TLL1: variants seen among roughly 807,000 people sequenced by gnomAD.
The protein encoded by TLL1 is tolloid-like protein 1.
In TLL1, 49 loss-of-function variants were observed where a neutral mutation model predicts 128.2. The observed-to-expected ratio is 0.38, with a 90% CI of 0.30 to 0.48. The LOEUF is 0.48. TLL1 is among the 20% of genes least tolerant of loss of function. TLL1 has a pLI of 0.96. For missense variants in TLL1, 1,123 were observed against 1,242.0 expected (o/e 0.90, Z 1.44); for synonymous variants, 454 against 418.8 (o/e 1.08, Z -1.03).
chr4:165,950,773 A>T (rs1477871510), intron 1 of TLL1, among the ~76,000 whole-genome samples: 1 of 152,078 alleles, frequency 6.6e-6, no homozygotes, highest in Non-Finnish European at 1.5e-5. Flanking sequence ...AACAGTTCTT[A>T]GGGGAGAATT....
intron 1 of TLL1, among the ~76,000 whole-genome samples, chr4:165,936,589 T>C (rs912465272): frequency 1.9e-4 from 29 of 152,196 alleles, no homozygotes; most frequent in Admixed American, 1.7e-3. Context: ...ACAGTATACA[T>C]ATGTAACTGT....
At chr4:165,930,335 A>C (rs1307172067) in intron 1 of TLL1, among the ~76,000 whole-genome samples, 1 of 152,208 alleles carries the variant, frequency 6.6e-6, no homozygotes, top group Non-Finnish European at 1.5e-5. Context: ...TGGATGATCA[A>C]TCTTAAGTAT....
At chr4:165,961,684 A>G (rs978375203) in intron 1 of TLL1, among the ~76,000 whole-genome samples, 2 of 152,176 alleles carry the variant, frequency 1.3e-5, no homozygotes, top group Non-Finnish European at 2.9e-5. Flanking sequence ...CAACCATCTG[A>G]TCTTCAACAA....
At chr4:166,030,721 A>G (rs928411856) in intron 9 of TLL1, 13 of 1,180,264 alleles carry the variant, frequency 1.1e-5, no homozygotes, top group Middle Eastern at 3.4e-4. Context: ...CTTCAACACC[A>G]TTTGTTAAAG....
chr4:165,889,497 A>C (rs1731300086), intron 1 of TLL1, among the ~76,000 whole-genome samples: 1 of 152,242 alleles, frequency 6.6e-6, no homozygotes, highest in Non-Finnish European at 1.5e-5. Flanking sequence ...TTGGGAGAAG[A>C]ACATCCAAAT....
intron 1 of TLL1, among the ~76,000 whole-genome samples, chr4:165,946,721 A>T (rs1734267989): frequency 6.6e-6 from 1 of 152,152 alleles, no homozygotes; most frequent in South Asian, 2.1e-4. Context: ...AGCAACAAAT[A>T]CATAAAAATG....
chr4:166,071,170 T>A (rs1270403618), intron 16 of TLL1, among the ~76,000 whole-genome samples: 1 of 151,918 alleles, frequency 6.6e-6, no homozygotes, highest in Non-Finnish European at 1.5e-5. Flanking sequence ...ACCATTGACT[T>A]CTTTTTCCTA....
At chr4:166,032,781 G>T (rs1738830019) in intron 9 of TLL1, among the ~76,000 whole-genome samples, 1 of 152,030 alleles carries the variant, frequency 6.6e-6, no homozygotes, top group Non-Finnish European at 1.5e-5. Flanking sequence ...ACGTAAAGTT[G>T]TTTTTATAAA....
chr4:166,082,718 C>T (rs1741342191), intron 18 of TLL1, among the ~76,000 whole-genome samples: 1 of 152,062 alleles, frequency 6.6e-6, no homozygotes, highest in East Asian at 1.9e-4. Flanking sequence ...CGCTCTGTCA[C>T]CCAGGCTGGA....
chr4:166,045,678 G>T (rs1424726886), intron 12 of TLL1, among the ~76,000 whole-genome samples: 3 of 152,014 alleles, frequency 2.0e-5, no homozygotes, highest in Non-Finnish European at 1.5e-5. Flanking sequence ...ATTATCATGG[G>T]CCACGGTACT....
intron 1 of TLL1, among the ~76,000 whole-genome samples, chr4:165,888,181 A>G (rs1009125821): frequency 6.6e-6 from 1 of 152,124 alleles, no homozygotes; most frequent in Non-Finnish European, 1.5e-5. Flanking sequence ...AGAAGTGCTG[A>G]CTGAGGGCTA....
At chr4:166,060,417 A>G (rs1361296305) in intron 15 of TLL1, among the ~76,000 whole-genome samples, 1 of 152,072 alleles carries the variant, frequency 6.6e-6, no homozygotes, top group Non-Finnish European at 1.5e-5. Flanking sequence ...TATTTAGTGT[A>G]TTTAATATTT....
intron 14 of TLL1, among the ~76,000 whole-genome samples, chr4:166,059,224 CAT>C (rs1389981223): frequency 0.012 from 1,868 of 150,772 alleles, 43 homozygotes; most frequent in African/African-American, 0.042. Context: ...CACACACACA[CAT>C]ACACGTGCAC....
At chr4:165,919,382 CAA>C (rs1163238067) in intron 1 of TLL1, among the ~76,000 whole-genome samples, 2,666 of 75,154 alleles carry the variant, frequency 0.035, 65 homozygotes, top group African/African-American at 0.1. Flanking sequence ...GACCCTGCTT[CAA>C]AAAAAAAAAA....
At chr4:166,034,425 G>A (rs967394114) in intron 9 of TLL1, among the ~76,000 whole-genome samples, 3 of 152,136 alleles carry the variant, frequency 2.0e-5, no homozygotes, top group African/African-American at 7.2e-5. Context: ...TGAGTGGGAT[G>A]AAGTTTATGT....
chr4:165,892,365 G>T (rs1291413278), intron 1 of TLL1, among the ~76,000 whole-genome samples: 1 of 152,122 alleles, frequency 6.6e-6, no homozygotes, highest in Non-Finnish European at 1.5e-5. Flanking sequence ...TTATGGCAAT[G>T]TACCTTTTAA....
intron 1 of TLL1, among the ~76,000 whole-genome samples, chr4:165,948,201 A>T (rs1403331954): frequency 2.0e-5 from 3 of 152,076 alleles, no homozygotes; most frequent in Non-Finnish European, 4.4e-5. Context: ...GAACTGGTGT[A>T]TTTATAACTG....
At chr4:165,963,769 C>T (rs1735235567) in intron 1 of TLL1, among the ~76,000 whole-genome samples, 1 of 151,916 alleles carries the variant, frequency 6.6e-6, no homozygotes. Flanking sequence ...CATGTTTCCA[C>T]AGTGACAGTG....
intron 1 of TLL1, among the ~76,000 whole-genome samples, chr4:165,908,733 G>T (rs1001513361): frequency 1.3e-5 from 2 of 152,122 alleles, no homozygotes; most frequent in East Asian, 3.9e-4. Flanking sequence ...GTGATGGGAA[G>T]GGGTAGGTCA....
Sources: allele counts gnomAD v4.1 joint callset (sites outside exome capture counted in the v4.1 genomes callset), GRCh38; gene constraint gnomAD v4.1.1; transcripts MANE v1.5; gene names NCBI Gene and HGNC (gene_info 2026-07-23, HGNC 2026-07-21).